MCRIP2: variants seen among roughly 807,000 people sequenced by gnomAD.
The protein encoded by MCRIP2 is MAPK regulated co-repressor interacting protein 2.
A neutral mutation model predicts 23.2 loss-of-function variants in MCRIP2; 21 were observed. The observed-to-expected ratio is 0.90, with a 90% CI of 0.64 to 1.30. The LOEUF is 1.30. Among genes scored for constraint, MCRIP2 ranks in the 50% most tolerant of loss-of-function variants. The pLI, the probability that MCRIP2 is intolerant of heterozygous loss-of-function variation, is 0.00. For synonymous variants in MCRIP2, 121 were observed against 100.2 expected, an observed-to-expected ratio of 1.21 and a Z score of -1.24; for missense variants, 234 against 223.2, an observed-to-expected ratio of 1.05 and a Z score of -0.31.
Position 642,057 on chromosome 16 carries a change from G to C in MCRIP2, c.52+14G>C. 7.6e-7 allele frequency: 1 copy of C among 1,319,680 alleles called. No individual in the cohort carries two copies. Among genetic ancestry groups the C allele is most frequent in the Non-Finnish European group, 9.6e-7 (1 of 1,038,822 alleles). 81.7% of individuals were successfully genotyped at this position (1,319,680 alleles called of 1,614,324 possible). A position where few individuals can be genotyped will look rare whatever the true frequency, so the allele number is the denominator to read the frequency against. On this transcript the variant is annotated intron_variant, in intron 1 of 4. Coordinates refer to ENST00000307650, the MANE Select transcript of MCRIP2 (RefSeq NM_138418.4). ...AGCGCCGCACAGGTGCGCACGGGCC[G>C]GGGAACGGGAACGGGGACGGGGCGG... is the stretch of plus-strand genomic sequence containing the variant.
At chr16:647,926 C>A (rs1467663149) in intron 4 of MCRIP2, 42 bp downstream of exon 4, 3 of 1,283,194 alleles carry the variant, frequency 2.3e-6, no homozygotes, top group Admixed American at 4.1e-5. Context: ...GACCCCCCAG[C>A]CCCTCTGATC....
At position 647,817 on chromosome 16, in the gene MCRIP2, C is replaced by T; in HGVS notation, c.345C>T (p.Gly115=). 6.3e-7 allele frequency: 1 copy of T among 1,576,846 alleles called. No individual in the cohort carries two copies. The highest frequency in any genetic ancestry group is 1.2e-5 in the South Asian group (1 of 86,292). Residue 115 remains glycine, a synonymous_variant, in exon 4 of 5, where the codon GGC becomes GGT. Coordinates refer to ENST00000307650, the MANE Select transcript of MCRIP2 (RefSeq NM_138418.4). The part of the protein sequence containing the change: ...WQQVQQQLDG[G]PAGEGGPRPV... ...AGGTGCAACAGCAGCTGGATGGTGG[C>T]CCAGCCGGTGAGGGCGGGCCAAGGC...
intron 2 of MCRIP2, among the ~76,000 whole-genome samples, chr16:644,346 G>A (rs1046497466): frequency 1.3e-5 from 2 of 152,110 alleles, no homozygotes; most frequent in African/African-American, 4.8e-5. Context: ...CTCCCAGAGT[G>A]CTGGGATTAC....
chr16:646,408 AGACCCTGCCAGCCCTGGGGCCGGCAG>A lies in MCRIP2; in HGVS notation c.183-1000_183-975del, dbSNP rs1236642304. 11 of 152,214 alleles carry A rather than the reference AGACCCTGCCAGCCCTGGGGCCGGCAG, an allele frequency of 7.2e-5. No homozygotes were observed. The highest frequency in any genetic ancestry group is 2.0e-4 in the Admixed American group (3 of 15,290). 9.4% of individuals were successfully genotyped at this position (152,214 alleles called of 1,614,324 possible). A position where few individuals can be genotyped will look rare whatever the true frequency, so the allele number is the denominator to read the frequency against. ...CGTTTTAAGATCCTCTGTGGCCACC[AGACCCTGCCAGCCCTGGGGCCGGCAG>A]GACCCTGCGCCCCTCAAGACACTCC... is the stretch of plus-strand genomic sequence containing the variant. On this transcript the variant is annotated intron_variant, in intron 2 of 4. Coordinates refer to ENST00000307650, the MANE Select transcript of MCRIP2 (RefSeq NM_138418.4). This position sits in a 1 kb window ranked among gnomAD's most constrained non-coding sequence, Gnocchi z 6.5.
In MCRIP2 at chr16:647,860, A is replaced by G; in HGVS notation, c.388A>G (p.Arg130Gly). The change falls in exon 4 of 5, where the codon AGG becomes GGG. Residue 130 changes from arginine to glycine, a missense_variant. Transcript: ENST00000307650. The stretch of plus-strand genomic sequence containing the variant: ...GCCAAGGCCTGTGCAGTACGTGGAG[A>G]GGACCCCCAATCCCCGGCTGCAGAG... Reference protein sequence around the residue: ...GGPRPVQYVERTPNPRLQNFV... With the variant: ...GGPRPVQYVEGTPNPRLQNFV... 1 of 1,565,262 alleles carries G rather than the reference A, an allele frequency of 6.4e-7. No homozygotes were observed. The highest frequency in any genetic ancestry group is 8.7e-7 in the Non-Finnish European group (1 of 1,155,178).
intron 2 of MCRIP2, 182 bp from the exon 3 acceptor site, chr16:647,235 G>A: frequency 1.4e-6 from 1 of 708,932 alleles, no homozygotes; most frequent in Non-Finnish European, 2.3e-6. Flanking sequence ...CGATGGCTTG[G>A]GGACTGCAAG....
intron 2 of MCRIP2, 94 bp downstream of exon 2, chr16:642,343 G>A: frequency 9.3e-7 from 1 of 1,079,862 alleles, no homozygotes; most frequent in Non-Finnish European, 1.1e-6. Context: ...AAATGTTAGT[G>A]AGGTCCGGCC....
At chr16:643,158 A>G (rs2037393580) in intron 2 of MCRIP2, 1 of 152,222 alleles carries the variant, frequency 6.6e-6, no homozygotes, top group South Asian at 2.1e-4. Flanking sequence ...AGTGCCCTCT[A>G]CCAGAGGCGC....
chr16:648,047 G>T, intron 4 of MCRIP2, 73 bp from the exon 5 acceptor site: 1 of 1,454,836 alleles, frequency 6.9e-7, no homozygotes. Flanking sequence ...TGAGCGGCTT[G>T]TGGTTAGCTC....
chr16:648,177 C>A lies in MCRIP2; in HGVS notation c.470C>A (p.Thr157Asn). 5 of 1,610,552 alleles carry A rather than the reference C, an allele frequency of 3.1e-6. No individual in the cohort carries two copies. The highest frequency in any genetic ancestry group is 3.4e-6 in the Non-Finnish European group (4 of 1,178,920). The change falls in exon 5 of 5, where the codon ACC becomes AAC. Residue 157 changes from threonine (T) to asparagine (N), a missense_variant. Physicochemically the swap from Thr to Asn is moderately conservative, Grantham distance 65. Transcript: ENST00000307650. ...WWAQQFLARI[T>N]SCS is the part of the protein sequence containing the mutation. Reference sequence around the variant, plus strand: ...GCGCAGCAGTTCCTGGCGAGAATCACCAGCTGTTCCTAGTGGCTGCTGGGA... The same window carrying A: ...GCGCAGCAGTTCCTGGCGAGAATCAACAGCTGTTCCTAGTGGCTGCTGGGA...
rs1282829768 is a variant in MCRIP2 at position 642,204 on chromosome 16, G to A, written c.137G>A (p.Arg46Gln). ...QPAPPTSQPPRAQPFAQPPGP... is the reference protein window; with the variant it reads ...QPAPPTSQPPQAQPFAQPPGP... ...GCGCCGCCGACCTCGCAGCCCCCGC[G>A]GGCGCAGCCCTTTGCGCAGCCGCCG... Residue 46 changes from arginine (R) to glutamine (Q), a missense_variant, in exon 2 of 5, where the codon CGG (arginine) becomes CAG (glutamine). By Grantham distance (43) the Arg-to-Gln change is conservative (BLOSUM62 1). Transcript: ENST00000307650. The A allele has an allele frequency of 6.9e-6, 9 of 1,313,130 alleles. No individual in the cohort carries two copies. The highest frequency in any genetic ancestry group is 4.7e-5 in the African/African-American group (3 of 64,408). 81.3% of individuals were successfully genotyped at this position (1,313,130 alleles called of 1,614,324 possible). A position where few individuals can be genotyped will look rare whatever the true frequency, so the allele number is the denominator to read the frequency against.
Position 647,971 on chromosome 16 carries a change from G to T in MCRIP2, c.412+87G>T, listed in dbSNP as rs182370986. Reference sequence around the variant, plus strand: ...GCCCTGCCAGGTTCCCACCCCAGGGGATGAGGGAGGGGACTCTTGTGCAGA... The same window carrying T: ...GCCCTGCCAGGTTCCCACCCCAGGGTATGAGGGAGGGGACTCTTGTGCAGA... On this transcript the variant is annotated intron_variant, in intron 4 of 4. Transcript: ENST00000307650. 152 of 1,182,414 alleles carry T rather than the reference G, an allele frequency of 1.3e-4. No individual in the cohort carries two copies. The African/African-American group carries it at 1.8e-3, about 14-fold the overall frequency. 73.2% of individuals were successfully genotyped at this position (1,182,414 alleles called of 1,614,324 possible). A position where few individuals can be genotyped will look rare whatever the true frequency, so the allele number is the denominator to read the frequency against.
chr16:647,310 G>C, intron 2 of MCRIP2, 107 bp from the exon 3 acceptor site: 1 of 1,521,900 alleles, frequency 6.6e-7, no homozygotes, highest in Non-Finnish European at 8.9e-7. Flanking sequence ...GCCTAGGCTG[G>C]CCAAGTCTGG....
At chr16:642,424 G>A (rs1377750425) in intron 2 of MCRIP2, 175 bp downstream of exon 2, 2 of 501,192 alleles carry the variant, frequency 4.0e-6, no homozygotes, top group South Asian at 1.8e-4. Flanking sequence ...GCGCCCGCGG[G>A]CCTGCGCCTC....
At chr16:647,983 G>A in intron 4 of MCRIP2, 99 bp downstream of exon 4, 1 of 1,180,018 alleles carries the variant, frequency 8.5e-7, no homozygotes, top group Non-Finnish European at 1.2e-6. Flanking sequence ...TGAGGGAGGG[G>A]ACTCTTGTGC....
Position 648,428 on chromosome 16 carries a change from G to T in MCRIP2, c.*238G>T. ...GCCCAGGGACCAGCGACCAGCCCCT[G>T]GGGCTGGCAGGGAGGAGCTCCAGGC... On this transcript the variant is annotated 3_prime_UTR_variant, in exon 5 of 5. Coordinates refer to ENST00000307650, the MANE Select transcript of MCRIP2 (RefSeq NM_138418.4). 1 of 563,014 alleles carries T rather than the reference G, an allele frequency of 1.8e-6. No individual in the cohort carries two copies. Among genetic ancestry groups the T allele is most frequent in the South Asian group, 2.1e-5 (1 of 46,540 alleles). The allele number at this position is 563,014 out of a possible 1,614,324, so 34.9% of individuals were successfully genotyped here. A position where few individuals can be genotyped will look rare whatever the true frequency, so the allele number is the denominator to read the frequency against.
intron 2 of MCRIP2, 71 bp downstream of exon 2, chr16:642,320 G>A (rs2037367654): frequency 8.9e-7 from 1 of 1,125,806 alleles, no homozygotes; most frequent in South Asian, 4.3e-5. Flanking sequence ...TAGAGCGGAG[G>A]GTGACCTTGG....
At position 648,260 on chromosome 16, in the gene MCRIP2, C is replaced by G. The variant is rs766335184; in HGVS notation, c.*70C>G. 1 of 1,450,422 alleles carries G rather than the reference C, an allele frequency of 6.9e-7. No individual in the cohort carries two copies. The highest frequency in any genetic ancestry group is 9.5e-7 in the Non-Finnish European group (1 of 1,057,120). 89.8% of individuals were successfully genotyped at this position (1,450,422 alleles called of 1,614,324 possible). Reference sequence around the variant, plus strand: ...GGAGAGAAGCATGGCGCCCTGCCCACCCACTGCGCCTGGCTGGGTGCCGGC... The same window carrying G: ...GGAGAGAAGCATGGCGCCCTGCCCAGCCACTGCGCCTGGCTGGGTGCCGGC... On this transcript the variant is annotated 3_prime_UTR_variant, in exon 5 of 5. Transcript: ENST00000307650.
rs1381986930 is a variant in MCRIP2, at chr16:641,880, G to T, written c.-112G>T. The stretch of plus-strand genomic sequence containing the variant: ...CGTGCGGGCCCTTTAAGGGCCGGGG[G>T]CGTGTAGCGGGCCCGCCCCCTCCCC... On this transcript the variant is annotated 5_prime_UTR_variant, in exon 1 of 5. Coordinates refer to ENST00000307650, the MANE Select transcript of MCRIP2 (RefSeq NM_138418.4). The T allele has an allele frequency of 8.2e-6, 8 of 978,586 alleles. No individual in the cohort carries two copies. The Admixed American group carries it at 1.3e-4, about 16-fold the overall frequency. 60.6% of individuals were successfully genotyped at this position (978,586 alleles called of 1,614,324 possible).
Sources: gnomAD v4.1 joint callset for allele counts (sites outside exome capture counted in the v4.1 genomes callset) on GRCh38, gnomAD v4.1.1 for gene constraint, Gnocchi (gnomAD v3.1) non-coding constraint, MANE v1.5 for transcripts, NCBI Gene and HGNC (gene_info 2026-07-23, HGNC 2026-07-21) for gene names.